Variants in LGALS3BP observed in about 807,000 individuals in gnomAD.
LGALS3BP encodes galectin 3 binding protein, also known as galectin-3-binding protein.
A neutral mutation model predicts 22.9 loss-of-function variants in LGALS3BP; 25 were observed. That is an observed-to-expected ratio of 1.09 (90% CI 0.80 to 1.53). The LOEUF is 1.53. LGALS3BP is among the 40% of genes most tolerant of loss of function. LGALS3BP has a pLI of 0.00. For missense variants in LGALS3BP, 718 were observed against 752.0 expected (o/e 0.95, Z 0.53); for synonymous variants, 335 against 331.1 (o/e 1.01, Z -0.13).
rs765719738 is a variant in LGALS3BP at position 78,973,155 on chromosome 17, G to A, written c.444C>T (p.Asp148=). The change falls in exon 5 of 6, where the codon GAC becomes GAT. Residue 148 remains aspartate, a synonymous_variant. Coordinates refer to ENST00000262776, the MANE Select transcript of LGALS3BP (RefSeq NM_005567.4). The surrounding 1 kb of genome is among the most constrained non-coding windows in gnomAD (Gnocchi z 5.8). ...TGGACAGGTCGCAGCCCCGCTGGCT[G>A]TCAAAGATCTGGCCAAGGGCCTCCG... is the stretch of plus-strand genomic sequence containing the variant. ...ELSEALGQIF[D]SQRGCDLSIS... The A allele has an allele frequency of 6.2e-7, 1 of 1,610,262 alleles. No individual in the cohort carries two copies. The highest frequency in any genetic ancestry group is 8.5e-7 in the Non-Finnish European group (1 of 1,178,774).
At chr17:78,975,079 A>C (rs957412604) in intron 3 of LGALS3BP, 2 of 486,626 alleles carry the variant, frequency 4.1e-6, no homozygotes, top group Non-Finnish European at 7.4e-6. Flanking sequence ...TTGTGTGACT[A>C]TCCCTGCAAC....
chr17:78,973,027 C>T lies in LGALS3BP; in HGVS notation c.572G>A (p.Ser191Asn), dbSNP rs1301877512. The T allele has an allele frequency of 6.2e-7, 1 of 1,613,794 alleles. No individual in the cohort carries two copies. The highest frequency in any genetic ancestry group is 1.3e-5 in the African/African-American group (1 of 74,924). Reference sequence around the variant, plus strand: ...AGCATCCACACTCATGGTGACATTGCTGCCCGGCTCCTTCCACAGGGCCTG... The same window carrying T: ...AGCATCCACACTCATGGTGACATTGTTGCCCGGCTCCTTCCACAGGGCCTG... ...EAQALWKEPG[S>N]NVTMSVDAEC... Residue 191 changes from serine to asparagine, a missense_variant, in exon 5 of 6, where the codon AGC becomes AAC. Physicochemically the swap from Ser to Asn is conservative, Grantham distance 46. Coordinates refer to ENST00000262776, the MANE Select transcript of LGALS3BP (RefSeq NM_005567.4). This position sits in a 1 kb window ranked among gnomAD's most constrained non-coding sequence, Gnocchi z 5.8.
At chr17:78,977,401 C>A in intron 1 of LGALS3BP, 187 bp from the exon 2 acceptor site, 3 of 583,572 alleles carry the variant, frequency 5.1e-6, no homozygotes, top group Non-Finnish European at 9.1e-6. Context: ...GGGGGCCCCT[C>A]ACCTGGTCTG....
In LGALS3BP at chr17:78,971,618, G is replaced by T. The variant is rs1010946645; in HGVS notation, c.1716C>A (p.Val572=). Residue 572 remains valine, a synonymous_variant, in exon 6 of 6, where the codon GTC becomes GTA. Transcript: ENST00000262776. The surrounding 1 kb of genome is among the most constrained non-coding windows in gnomAD (Gnocchi z 5.6). Reference sequence around the variant, plus strand: ...AGTTGGTCAGGTAGAAGGGGCGGATGACCGTGCGGAAGCCGTTGAAGTGCC... The same window carrying T: ...AGTTGGTCAGGTAGAAGGGGCGGATTACCGTGCGGAAGCCGTTGAAGTGCC... The part of the protein sequence containing the change: ...PAGHFNGFRT[V]IRPFYLTNSS... The T allele has an allele frequency of 2.5e-6, 4 of 1,613,716 alleles. No homozygotes were observed. The highest frequency in any genetic ancestry group is 1.1e-5 in the South Asian group (1 of 91,082).
rs1228203903 is a variant in LGALS3BP, at chr17:78,972,859, C to G, written c.629+111G>C. 71 of 1,448,974 alleles carry G rather than the reference C, an allele frequency of 4.9e-5. 1 individual carries two copies. The highest frequency in any genetic ancestry group is 6.5e-6 in the Non-Finnish European group (7 of 1,073,410). The allele number at this position is 1,448,974 out of a possible 1,614,324, so 89.8% of individuals were successfully genotyped here. A position where few individuals can be genotyped will look rare whatever the true frequency, so the allele number is the denominator to read the frequency against. On this transcript the variant is annotated intron_variant, in intron 5 of 5. Coordinates refer to ENST00000262776, the MANE Select transcript of LGALS3BP (RefSeq NM_005567.4). The surrounding 1 kb of genome is among the most constrained non-coding windows in gnomAD (Gnocchi z 5.1). Reference sequence around the variant, plus strand: ...GAGTGCATGTGTGACTGCGTGTGTACATGTGCATGCATGAGTATGTGCAGG... The same window carrying G: ...GAGTGCATGTGTGACTGCGTGTGTAGATGTGCATGCATGAGTATGTGCAGG...
In LGALS3BP at chr17:78,972,159, G is replaced by A. The variant is rs1470855247; in HGVS notation, c.1175C>T (p.Ala392Val). 1.9e-6 allele frequency: 3 copies of A among 1,613,932 alleles called. No homozygotes were observed. The highest frequency in any genetic ancestry group is 2.2e-5 in the East Asian group (1 of 44,890). ...EFHTVPFQLLARYKGLNLTED... is the reference protein window; with the variant it reads ...EFHTVPFQLLVRYKGLNLTED... ...GGTGAGGTTCAGGCCTTTGTACCGG[G>A]CCAGCAACTGGAAGGGCACAGTGTG... The change falls in exon 6 of 6, where the codon GCC (alanine) becomes GTC (valine). Residue 392 changes from alanine to valine, a missense_variant. Ala to Val is a moderately conservative substitution (Grantham distance 64, BLOSUM62 0). Coordinates refer to ENST00000262776, the MANE Select transcript of LGALS3BP (RefSeq NM_005567.4). The surrounding 1 kb of genome is among the most constrained non-coding windows in gnomAD (Gnocchi z 5.1).
In LGALS3BP at chr17:78,976,155, G is replaced by A. The variant is rs766654794; in HGVS notation, c.54C>T (p.Gly18=). The A allele has an allele frequency of 1.5e-5, 23 of 1,571,846 alleles. No homozygotes were observed. The East Asian group carries it at 1.6e-4, about 11-fold the overall frequency. The change falls in exon 3 of 6, where the codon GGC becomes GGT. Residue 18 remains glycine, a splice_region_variant and synonymous_variant. Transcript: ENST00000262776. The surrounding 1 kb of genome is among the most constrained non-coding windows in gnomAD (Gnocchi z 4.6). ...WVWLLVAGTQ[G]VNDGDMRLAD... The stretch of plus-strand genomic sequence containing the variant: ...CCAGCCGCATGTCACCATCGTTCAC[G>A]CCTGCAGGCAGAGACCAGCGAGGGC...
In LGALS3BP at chr17:78,973,979, C is replaced by T. The variant is rs1156292557; in HGVS notation, c.376+709G>A. Among the ~76,000 whole-genome samples, 3 of 152,348 alleles carry T rather than the reference C, an allele frequency of 2.0e-5. No homozygotes were observed. The highest frequency in any genetic ancestry group is 6.5e-5 in the Admixed American group (1 of 15,306). ...GCCCATGGCCCCGTGTGCTCCCCGC[C>T]GCCTCCCCTGGCCCCCGACAGCCCC... On this transcript the variant is annotated intron_variant, in intron 4 of 5. Coordinates refer to ENST00000262776, the MANE Select transcript of LGALS3BP (RefSeq NM_005567.4). This position sits in a 1 kb window ranked among gnomAD's most constrained non-coding sequence, Gnocchi z 5.8.
In LGALS3BP at chr17:78,973,327, T is replaced by C; in HGVS notation, c.377-105A>G. 1 of 1,306,886 alleles carries C rather than the reference T, an allele frequency of 7.7e-7. No homozygotes were observed. 81.0% of individuals were successfully genotyped at this position (1,306,886 alleles called of 1,614,324 possible). On this transcript the variant is annotated intron_variant, in intron 4 of 5. Coordinates refer to ENST00000262776, the MANE Select transcript of LGALS3BP (RefSeq NM_005567.4). This position sits in a 1 kb window ranked among gnomAD's most constrained non-coding sequence, Gnocchi z 5.8. ...AAGTGAGGGATTTGTGGCTGCCTCATTCACTCTGGAAGGCTCCTGGGAAGA... is the reference window on the plus strand; with the variant it reads ...AAGTGAGGGATTTGTGGCTGCCTCACTCACTCTGGAAGGCTCCTGGGAAGA...
intron 1 of LGALS3BP, 44 bp from the exon 2 acceptor site, chr17:78,977,258 G>GGCCGGAGGCGCCAGATT: frequency 6.6e-7 from 1 of 1,520,910 alleles, no homozygotes; most frequent in Non-Finnish European, 9.0e-7. Context: ...GGAGCCAGAT[G>GGCCGGAGGCGCCAGATT]GCCCGAGGCC....
At chr17:78,975,848 G>A in intron 3 of LGALS3BP, 117 bp downstream of exon 3, 3 of 367,238 alleles carry the variant, frequency 8.2e-6, no homozygotes, top group Non-Finnish European at 9.7e-6. Context: ...TAAATTAATA[G>A]GAATCCAATT....
chr17:78,973,662 G>A lies in LGALS3BP; in HGVS notation c.377-440C>T, dbSNP rs757192676. Among the ~76,000 whole-genome samples, 2 of 152,130 alleles carry A rather than the reference G, an allele frequency of 1.3e-5. No individual in the cohort carries two copies. Among genetic ancestry groups the A allele is most frequent in the Non-Finnish European group, 2.9e-5 (2 of 68,020 alleles). On this transcript the variant is annotated intron_variant, in intron 4 of 5. Coordinates refer to ENST00000262776, the MANE Select transcript of LGALS3BP (RefSeq NM_005567.4). This position sits in a 1 kb window ranked among gnomAD's most constrained non-coding sequence, Gnocchi z 5.8. ...CCATTTTAGAACTCCGGGGGTCCTC[G>A]AGCAGCTTCCTGTCGGGGAGAAGGC...
chr17:78,972,121 T>C lies in LGALS3BP; in HGVS notation c.1213A>G (p.Lys405Glu), dbSNP rs777741855. ...GTGGGCGAGGTGTAAATCCGGGGCT[T>C]GTAGGTATCCTCGGTGAGGTTCAGG... ...KGLNLTEDTY[K>E]PRIYTSPTWS... Residue 405 changes from lysine (K) to glutamate (E), a missense_variant, in exon 6 of 6, where the codon AAG (lysine) becomes GAG (glutamate). By Grantham distance (56) the Lys-to-Glu change is moderately conservative. Coordinates refer to ENST00000262776, the MANE Select transcript of LGALS3BP (RefSeq NM_005567.4). The surrounding 1 kb of genome is among the most constrained non-coding windows in gnomAD (Gnocchi z 5.1). The C allele has an allele frequency of 8.1e-6, 13 of 1,613,276 alleles. No individual in the cohort carries two copies. In the Admixed American group the frequency reaches 1.0e-4, roughly 12 times the overall value.
chr17:78,971,809 A>C lies in LGALS3BP; in HGVS notation c.1525T>G (p.Ser509Ala), dbSNP rs925111417. 2.5e-6 allele frequency: 4 copies of C among 1,613,990 alleles called. No individual in the cohort carries two copies. In the African/African-American group the frequency reaches 5.3e-5, roughly 22 times the overall value. The change falls in exon 6 of 6, where the codon TCT becomes GCT. Residue 509 changes from serine to alanine, a missense_variant. Ser to Ala is a moderately conservative substitution (Grantham distance 99). Coordinates refer to ENST00000262776, the MANE Select transcript of LGALS3BP (RefSeq NM_005567.4). The surrounding 1 kb of genome is among the most constrained non-coding windows in gnomAD (Gnocchi z 5.6). ...GCAATGGTGCGATCTGAGCCGCCAG[A>C]CTTGGTGAGGCCCAGGACAGGGAGC... The part of the protein sequence containing the change: ...DELPVLGLTK[S>A]GGSDRTIAYE...
Position 78,971,757 on chromosome 17 carries a change from C to A in LGALS3BP, c.1577G>T (p.Cys526Phe), listed in dbSNP as rs1184851136. Residue 526 changes from cysteine to phenylalanine, a missense_variant, in exon 6 of 6, where the codon TGC becomes TTC. Transcript: ENST00000262776. The surrounding 1 kb of genome is among the most constrained non-coding windows in gnomAD (Gnocchi z 5.6). The part of the protein sequence containing the change: ...IAYENKALML[C>F]EGLFVADVTD... The stretch of plus-strand genomic sequence containing the variant: ...GACGTCTGCCACGAAGAGCCCTTCG[C>A]AGAGCATCAGGGCTTTGTTTTCGTA... 1 of 1,614,078 alleles carries A rather than the reference C, an allele frequency of 6.2e-7. No individual in the cohort carries two copies. Among genetic ancestry groups the A allele is most frequent in the Non-Finnish European group, 8.5e-7 (1 of 1,180,032 alleles).
Position 78,978,345 on chromosome 17 carries a change from G to T in LGALS3BP, c.-23-1131C>A, listed in dbSNP as rs78176322. ...CAGCTTTGCTCTGGGACTCGTGCTC[G>T]CTGGCACTGTGCAGCCACCCCTTGT... On this transcript the variant is annotated intron_variant, in intron 1 of 5. Coordinates refer to ENST00000262776, the MANE Select transcript of LGALS3BP (RefSeq NM_005567.4). Among the ~76,000 whole-genome samples, 1,412 of 152,332 alleles carry T rather than the reference G, an allele frequency of 9.3e-3. 23 individuals carry two copies. The highest frequency in any genetic ancestry group is 0.032 in the African/African-American group (1,335 of 41,566).
chr17:78,979,107 G>A (rs112051943), intron 1 of LGALS3BP, among the ~76,000 whole-genome samples: 13 of 151,924 alleles, frequency 8.6e-5, no homozygotes, highest in East Asian at 3.9e-4. Flanking sequence ...GGCAGGTGGC[G>A]TCGCTGCCCT....
Position 78,976,365 on chromosome 17 carries a change from C to T in LGALS3BP, c.53-209G>A, listed in dbSNP as rs2070721293. 6.6e-6 allele frequency among the ~76,000 whole-genome samples: 1 copy of T among 152,204 alleles called. No individual in the cohort carries two copies. The highest frequency in any genetic ancestry group is 2.1e-4 in the South Asian group (1 of 4,834). ...CTACCCCGCAAGGAGGCCAAACTCG[C>T]CTTTCCTTGTTTTAGGGGTCTCAGC... On this transcript the variant is annotated intron_variant, in intron 2 of 5. Coordinates refer to ENST00000262776, the MANE Select transcript of LGALS3BP (RefSeq NM_005567.4). This position sits in a 1 kb window ranked among gnomAD's most constrained non-coding sequence, Gnocchi z 4.6.
At chr17:78,975,129 AC>A (rs1332701512) in intron 3 of LGALS3BP, 6 of 365,618 alleles carry the variant, frequency 1.6e-5, no homozygotes, top group African/African-American at 2.1e-5. Flanking sequence ...TATCCCTGCA[AC>A]ATCAGGTTCA....
Sources: allele counts gnomAD v4.1 joint callset (sites outside exome capture counted in the v4.1 genomes callset), GRCh38; gene constraint gnomAD v4.1.1; non-coding constraint Gnocchi (gnomAD v3.1); transcripts MANE v1.5; gene names NCBI Gene and HGNC (gene_info 2026-07-23, HGNC 2026-07-21).